Variants in PAN3 observed in about 807,000 individuals in gnomAD.
PAN3 encodes PAN2-PAN3 deadenylation complex subunit PAN3.
Under a neutral mutation model 96.2 loss-of-function variants are expected in PAN3, and 19 were observed. The observed-to-expected ratio is 0.20, with a 90% CI of 0.14 to 0.29. PAN3 has a LOEUF of 0.29. Ranked by LOEUF, PAN3 falls within the 10% of genes least tolerant of loss-of-function variation. The pLI is 1.00. For missense variants in PAN3, 882 were observed against 1,108.1 expected (o/e 0.80, Z 2.90); for synonymous variants, 433 against 406.6 (o/e 1.06, Z -0.78).
chr13:28,291,291 T>C (rs1429881422), intron 18 of PAN3, among the ~76,000 whole-genome samples: 1 of 152,042 alleles, frequency 6.6e-6, no homozygotes, highest in African/African-American at 2.4e-5. Context: ...ATAACAAAAA[T>C]AAAGTGAAAA....
At chr13:28,277,071 C>T (rs1005605495) in intron 14 of PAN3, among the ~76,000 whole-genome samples, 166 bp from the exon 15 acceptor site, 2 of 152,040 alleles carry the variant, frequency 1.3e-5, no homozygotes, top group Non-Finnish European at 2.9e-5. Context: ...GGCTCGAAGT[C>T]GTCTTTTTAA....
At chr13:28,211,575 T>C (rs1221390206) in intron 5 of PAN3, among the ~76,000 whole-genome samples, 1 of 152,216 alleles carries the variant, frequency 6.6e-6, no homozygotes, top group Admixed American at 6.5e-5. Context: ...ATGGTATTTG[T>C]AGATCGCCTC....
chr13:28,260,388 C>T (rs1885595225), intron 7 of PAN3, 59 bp from the exon 8 acceptor site: 1 of 1,323,438 alleles, frequency 7.6e-7, no homozygotes, highest in Non-Finnish European at 1.1e-6. Context: ...AGCAAGACTC[C>T]ATCTGAAAAA....
chr13:28,282,307 A>G lies in PAN3; in HGVS notation c.2384+928A>G, dbSNP rs565959364. 8.6e-5 allele frequency among the ~76,000 whole-genome samples: 13 copies of G among 151,638 alleles called. No individual in the cohort carries two copies. The South Asian group carries it at 2.7e-3, about 32-fold the overall frequency. ...GAATGTTTGATTTGTTAATAGAGAT[A>G]GGTGAGAGATAAATACTATTACTTG... is the stretch of plus-strand genomic sequence containing the variant. On this transcript the variant is annotated intron_variant, in intron 17 of 18. Coordinates refer to ENST00000380958, the MANE Select transcript of PAN3 (RefSeq NM_175854.8).
chr13:28,163,195 A>G (rs1208664881), intron 1 of PAN3, among the ~76,000 whole-genome samples: 1 of 152,180 alleles, frequency 6.6e-6, no homozygotes, highest in African/African-American at 2.4e-5. Context: ...AAAAATAATA[A>G]AAAATAAATT....
chr13:28,279,433 C>T (rs1019871983), intron 15 of PAN3, among the ~76,000 whole-genome samples: 7 of 152,096 alleles, frequency 4.6e-5, no homozygotes, highest in African/African-American at 1.2e-4. Flanking sequence ...ACACCTACCC[C>T]CTTTTAGTCC....
chr13:28,289,867 G>T (rs2138766488), intron 18 of PAN3, among the ~76,000 whole-genome samples: 1 of 152,228 alleles, frequency 6.6e-6, no homozygotes, highest in East Asian at 1.9e-4. Context: ...GGCCGATAGA[G>T]CGAGACTCCG....
In PAN3 at chr13:28,293,387, G is replaced by GTTGTTTTTT. The variant is rs1869988478; in HGVS notation, c.*867_*868insGTTTTTTTT. ...ACTTTAGGTTCTTTCCAGTTTGCTGGTTTTTTTTTTTTTTTTTTTTTTTTT... is the reference window on the plus strand; with the variant it reads ...ACTTTAGGTTCTTTCCAGTTTGCTGGTTGTTTTTTTTTTTTTTTTTTTTTTTTTTTTTTT... On this transcript the variant is annotated 3_prime_UTR_variant, in exon 19 of 19. Transcript: ENST00000380958. 1 of 21,356 alleles carries GTTGTTTTTT rather than the reference G, an allele frequency of 4.7e-5. No individual in the cohort carries two copies. Among genetic ancestry groups the GTTGTTTTTT allele is most frequent in the African/African-American group, 2.0e-4 (1 of 4,970 alleles). 1.3% of individuals were successfully genotyped at this position (21,356 alleles called of 1,614,324 possible).
chr13:28,151,106 T>C (rs1328274050), intron 1 of PAN3, among the ~76,000 whole-genome samples: 3 of 151,834 alleles, frequency 2.0e-5, no homozygotes, highest in African/African-American at 4.8e-5. Context: ...GGAGAAAGAG[T>C]ATCTCAGGCA....
intron 13 of PAN3, among the ~76,000 whole-genome samples, chr13:28,271,523 A>G (rs1421285949): frequency 6.6e-6 from 1 of 152,196 alleles, no homozygotes; most frequent in East Asian, 1.9e-4. Context: ...TGACAACCTT[A>G]TTAGACAAGT....
At chr13:28,258,241 G>A (rs1353995448) in intron 7 of PAN3, among the ~76,000 whole-genome samples, 1 of 152,192 alleles carries the variant, frequency 6.6e-6, no homozygotes, top group Non-Finnish European at 1.5e-5. Context: ...GAGATGCAGA[G>A]CAGAGCAGTC....
At chr13:28,144,753 C>T (rs1436441285) in intron 1 of PAN3, among the ~76,000 whole-genome samples, 1 of 135,274 alleles carries the variant, frequency 7.4e-6, no homozygotes, top group Non-Finnish European at 1.6e-5. Flanking sequence ...CAGAGCCTCA[C>T]TCTGTAGCCC....
At position 28,138,690 on chromosome 13, in the gene PAN3, G is replaced by C; in HGVS notation, c.33G>C (p.Ser11=). Residue 11 remains serine, a synonymous_variant, in exon 1 of 19, where the codon TCG becomes TCC. Coordinates refer to ENST00000380958, the MANE Select transcript of PAN3 (RefSeq NM_175854.8). ...GTGGCGGCGGCCTCCCGCCCCCCTCGGCCGCCGCCTCCCCTTCCTCCTCCT... is the reference window on the plus strand; with the variant it reads ...GTGGCGGCGGCCTCCCGCCCCCCTCCGCCGCCGCCTCCCCTTCCTCCTCCT... MNSGGGLPPP[S]AAASPSSSSL... The C allele has an allele frequency of 9.9e-7, 1 of 1,013,660 alleles. No homozygotes were observed. Among genetic ancestry groups the C allele is most frequent in the African/African-American group, 1.7e-5 (1 of 57,972 alleles). 62.8% of individuals were successfully genotyped at this position (1,013,660 alleles called of 1,614,324 possible).
intron 5 of PAN3, among the ~76,000 whole-genome samples, chr13:28,210,697 G>A (rs1049255586): frequency 1.3e-5 from 2 of 151,684 alleles, no homozygotes; most frequent in South Asian, 2.1e-4. Context: ...TTTTAAATTG[G>A]CCATATTTGT....
chr13:28,251,712 C>A (rs1397468656), intron 6 of PAN3, among the ~76,000 whole-genome samples: 2 of 152,168 alleles, frequency 1.3e-5, no homozygotes, highest in Non-Finnish European at 2.9e-5. Flanking sequence ...GTTTTAGTTT[C>A]ATTTTCTGTA....
At chr13:28,171,106 C>G (rs1343602919) in intron 1 of PAN3, among the ~76,000 whole-genome samples, 1 of 152,038 alleles carries the variant, frequency 6.6e-6, no homozygotes, top group Non-Finnish European at 1.5e-5. Context: ...AAACATCTTC[C>G]TTTTAACCAA....
chr13:28,290,614 A>G lies in PAN3; in HGVS notation c.2524-1768A>G, dbSNP rs141125090. Among the ~76,000 whole-genome samples, 22 of 152,234 alleles carry G rather than the reference A, an allele frequency of 1.4e-4. No individual in the cohort carries two copies. The East Asian group carries it at 4.1e-3, about 28-fold the overall frequency. ...GAGAATCATTTGAACCCCAGGAGGC[A>G]GAGGTTGCAGTGAGCCGAGATTGTG... On this transcript the variant is annotated intron_variant, in intron 18 of 18. Transcript: ENST00000380958.
intron 1 of PAN3, among the ~76,000 whole-genome samples, chr13:28,161,486 C>T (rs1368929243): frequency 6.6e-6 from 1 of 152,126 alleles, no homozygotes; most frequent in Non-Finnish European, 1.5e-5. Context: ...TTAGGACTGC[C>T]CTAATGACCT....
intron 1 of PAN3, among the ~76,000 whole-genome samples, chr13:28,168,031 G>A (rs1324626728): frequency 6.6e-6 from 1 of 152,076 alleles, no homozygotes; most frequent in Non-Finnish European, 1.5e-5. Context: ...CATTCATGAG[G>A]ACTCTGTCCT....
Sources: gnomAD v4.1 joint callset for allele counts (sites outside exome capture counted in the v4.1 genomes callset) on GRCh38, gnomAD v4.1.1 for gene constraint, MANE v1.5 for transcripts, NCBI Gene and HGNC (gene_info 2026-07-23, HGNC 2026-07-21) for gene names.